The following ZNF782 variants were observed in gnomAD, a reference collection of about 807,000 sequenced individuals.
ZNF782 encodes the protein zinc finger protein 782.
ZNF782 carries 12 observed loss-of-function variants against 13.0 expected under a neutral mutation model. That is an observed-to-expected ratio of 0.92 (90% confidence interval 0.59 to 1.50). ZNF782 has a LOEUF of 1.50. Ranked by LOEUF, ZNF782 falls within the 40% of genes most tolerant of loss-of-function variation. The pLI is 0.00. For missense variants in ZNF782, 770 were observed against 822.9 expected, an observed-to-expected ratio of 0.94 and a Z score of 0.79; for synonymous variants, 284 against 283.0, an observed-to-expected ratio of 1.00 and a Z score of -0.04.
intron 5 of ZNF782, among the ~76,000 whole-genome samples, chr9:96,820,634 C>T (rs921191808): frequency 6.0e-5 from 9 of 151,076 alleles, no homozygotes; most frequent in Non-Finnish European, 1.3e-4. Context: ...ACTGCAACTT[C>T]TGCCTCCTGG....
chr9:96,919,684 C>T, the ZNF782 span, among the ~76,000 whole-genome samples: 3 of 148,848 alleles, frequency 2.0e-5, no homozygotes, highest in African/African-American at 4.9e-5. Flanking sequence ...CTGCCTCAGC[C>T]TCCTGAGTCG....
chr9:96,887,920 A>G, the ZNF782 span: 3 of 151,284 alleles, frequency 2.0e-5, no homozygotes, highest in Admixed American at 1.3e-4. Context: ...TTGCAAAGAC[A>G]AAAAACCAAA....
the ZNF782 span, among the ~76,000 whole-genome samples, chr9:96,925,329 C>A: frequency 6.6e-6 from 1 of 151,740 alleles, no homozygotes; most frequent in Non-Finnish European, 1.5e-5. Context: ...GCCTCCAAGA[C>A]CGTCCCTCCT....
intron 4 of ZNF782, among the ~76,000 whole-genome samples, chr9:96,830,309 G>C (rs1435530060): frequency 6.9e-6 from 1 of 145,712 alleles, no homozygotes; most frequent in African/African-American, 2.8e-5. Context: ...GTTCCACCAG[G>C]GTCATGTGAG....
At chr9:96,876,597 A>T (rs1034373026), upstream of ZNF782, among the ~76,000 whole-genome samples, 3 of 152,246 alleles carry the variant, frequency 2.0e-5, no homozygotes, top group Non-Finnish European at 4.4e-5. Flanking sequence ...ATACTTGCAC[A>T]CGGAGCACAG....
the ZNF782 span, chr9:96,931,910 G>C: frequency 3.1e-6 from 5 of 1,612,166 alleles, no homozygotes; most frequent in Non-Finnish European, 3.4e-6. Context: ...GGCAGGACAG[G>C]ATGGCCGCGG....
intron 1 of ZNF782, among the ~76,000 whole-genome samples, chr9:96,869,781 G>A (rs1851802681): frequency 6.6e-6 from 1 of 152,114 alleles, no homozygotes. Flanking sequence ...AACACCTTTT[G>A]ATGCTTTAGT....
chr9:96,917,372 T>C, the ZNF782 span, among the ~76,000 whole-genome samples: 1 of 151,702 alleles, frequency 6.6e-6, no homozygotes, highest in African/African-American at 2.4e-5. Context: ...GTAGAAAAAT[T>C]GGAAGCTACA....
the ZNF782 span, among the ~76,000 whole-genome samples, chr9:96,912,158 C>G: frequency 1.4e-5 from 2 of 146,962 alleles, 1 homozygote; most frequent in South Asian, 4.3e-4. Flanking sequence ...CCAGGATCCG[C>G]CATCGCACTG....
intron 5 of ZNF782, among the ~76,000 whole-genome samples, chr9:96,822,401 T>C (rs1364212701): frequency 6.6e-6 from 1 of 152,262 alleles, no homozygotes; most frequent in Non-Finnish European, 1.5e-5. Context: ...ATGTGCTCTC[T>C]GGCACAGTGT....
the ZNF782 span, among the ~76,000 whole-genome samples, chr9:96,908,508 TC>T: frequency 6.6e-6 from 1 of 150,998 alleles, no homozygotes; most frequent in Non-Finnish European, 1.5e-5. Flanking sequence ...CAGAATATTT[TC>T]CAGTGTGCAC....
chr9:96,838,333 G>A (rs1851067686), intron 4 of ZNF782, among the ~76,000 whole-genome samples: 1 of 152,156 alleles, frequency 6.6e-6, no homozygotes, highest in Non-Finnish European at 1.5e-5. Flanking sequence ...TGAGAAGAAT[G>A]TATATTTTTC....
At chr9:96,920,212 A>G in the ZNF782 span, among the ~76,000 whole-genome samples, 1 of 149,922 alleles carries the variant, frequency 6.7e-6, no homozygotes, top group Non-Finnish European at 1.5e-5. Flanking sequence ...AGTATACCCC[A>G]ATGTCCCTTT....
At chr9:96,894,091 G>A in the ZNF782 span, 1 of 151,188 alleles carries the variant, frequency 6.6e-6, no homozygotes, top group African/African-American at 2.5e-5. Context: ...ACTATCACAA[G>A]GACAGAAAAC....
chr9:96,818,870 G>A lies in ZNF782; in HGVS notation c.1153C>T (p.Gln385Ter), dbSNP rs1444083433. 1.2e-6 allele frequency: 2 copies of A among 1,614,088 alleles called. No homozygotes were observed. The highest frequency in any genetic ancestry group is 2.2e-5 in the East Asian group (1 of 44,896). ...GGTTTCTCCCCTGTGTGACTTTTCT[G>A]AGGCCAAATCAAGTGTGAATTCATA... ...CSMNSHLIWP[Q>*]KSHTGEKPYE... The change falls in exon 6 of 6, where the codon CAG (glutamine) becomes TAG (stop). Residue 385 changes from glutamine (Q) to a stop codon, truncating the protein, a stop_gained. Coordinates refer to ENST00000481138, the MANE Select transcript of ZNF782 (RefSeq NM_001001662.3). LOFTEE classifies it low-confidence loss of function (END_TRUNC).
chr9:96,826,148 C>A (rs1440843134), intron 5 of ZNF782, among the ~76,000 whole-genome samples: 3 of 152,096 alleles, frequency 2.0e-5, no homozygotes, highest in African/African-American at 7.2e-5. Context: ...TGGAACCAAC[C>A]CAAATGTCCA....
rs1851731615 is a variant in ZNF782 at position 96,863,901 on chromosome 9, T to G, written c.-456-2298A>C. Among the ~76,000 whole-genome samples the G allele has an allele frequency of 4.6e-5, 7 of 151,996 alleles. No individual in the cohort carries two copies. The South Asian group carries it at 1.5e-3, about 32-fold the overall frequency. ...GGTTGAAGGATAAAAGATTACATATTGGGTACAGTGTACACTGCTCAGGTG... is the reference window on the plus strand; with the variant it reads ...GGTTGAAGGATAAAAGATTACATATGGGGTACAGTGTACACTGCTCAGGTG... On this transcript the variant is annotated intron_variant, in intron 1 of 5. Coordinates refer to the ZNF782 transcript ENST00000498811.
chr9:96,885,628 T>C, the ZNF782 span, among the ~76,000 whole-genome samples: 3 of 152,194 alleles, frequency 2.0e-5, no homozygotes, highest in African/African-American at 4.8e-5. Flanking sequence ...AATCTACAGA[T>C]TGAAGAATCT....
intron 1 of ZNF782, among the ~76,000 whole-genome samples, chr9:96,862,011 G>A (rs887903930): frequency 3.3e-5 from 5 of 152,140 alleles, no homozygotes; most frequent in Non-Finnish European, 5.9e-5. Flanking sequence ...GAAGCATCCC[G>A]AGTGTCCATC....
Sources: allele counts gnomAD v4.1 joint callset (sites outside exome capture counted in the v4.1 genomes callset), GRCh38; gene constraint gnomAD v4.1.1; transcripts MANE v1.5; gene names NCBI Gene and HGNC (gene_info 2026-07-23, HGNC 2026-07-21).